Variants in SNX29 observed in about 807,000 individuals in gnomAD.
SNX29 encodes sorting nexin 29, also known as sorting nexin-29.
Under a neutral mutation model 102.1 loss-of-function variants are expected in SNX29, and 78 were observed. The ratio of observed to expected loss-of-function variants is 0.76; its 90% CI spans 0.64 to 0.92. The LOEUF is 0.92. Among genes scored for constraint, SNX29 ranks in the 40% least tolerant of loss-of-function variants. The pLI is 0.00. For synonymous variants in SNX29, 580 were observed against 414.5 expected (o/e 1.40, Z -4.85); for missense variants, 1,280 against 1,061.7 (o/e 1.21, Z -2.86).
chr16:12,404,164 G>C (rs916740008), intron 18 of SNX29, among the ~76,000 whole-genome samples: 3 of 152,204 alleles, frequency 2.0e-5, no homozygotes, highest in African/African-American at 4.8e-5. Context: ...GAGAGCCAGA[G>C]AATTCTTTCC....
At chr16:12,170,069 T>A (rs2076109910) in intron 13 of SNX29, among the ~76,000 whole-genome samples, 1 of 152,134 alleles carries the variant, frequency 6.6e-6, no homozygotes, top group African/African-American at 2.4e-5. Flanking sequence ...TAGTGGGGGC[T>A]GTCCTGTGCA....
chr16:12,526,509 A>G (rs2076787152), intron 20 of SNX29: 1 of 505,814 alleles, frequency 2.0e-6, no homozygotes, highest in African/African-American at 1.9e-5. Context: ...CAGTTTCTAG[A>G]ACGCTTTATT....
intron 18 of SNX29, chr16:12,442,849 C>T (rs568960995): frequency 8.2e-6 from 3 of 367,930 alleles, no homozygotes; most frequent in Non-Finnish European, 1.1e-5. Context: ...CCATCTCAGC[C>T]TCACAAGTCC....
intron 14 of SNX29, among the ~76,000 whole-genome samples, chr16:12,256,527 C>G (rs2078577967): frequency 6.6e-6 from 1 of 152,122 alleles, no homozygotes; most frequent in African/African-American, 2.4e-5. Flanking sequence ...GAGGTTTCAC[C>G]ATGTAGGCCA....
chr16:12,546,656 G>A (rs1222773548), intron 20 of SNX29: 1 of 152,218 alleles, frequency 6.6e-6, no homozygotes, highest in Non-Finnish European at 1.5e-5. Flanking sequence ...TTACCAAGAA[G>A]AGTGGATAAA....
chr16:12,451,192 A>G (rs1220770602), intron 18 of SNX29, among the ~76,000 whole-genome samples: 1 of 152,238 alleles, frequency 6.6e-6, no homozygotes, highest in East Asian at 1.9e-4. Flanking sequence ...TTATGAGCTC[A>G]TTACTGCCAA....
rs185772410 is a variant in SNX29 at position 12,285,413 on chromosome 16, G to A, written c.1782+7377G>A. On this transcript the variant is annotated intron_variant, in intron 15 of 20. Coordinates refer to ENST00000566228, the MANE Select transcript of SNX29 (RefSeq NM_032167.5). ...TTTTTAAAATTATAAGACACTTATC[G>A]TTTACTGTCTGAGTGTGGTTAGTCC... Among the ~76,000 whole-genome samples the A allele has an allele frequency of 1.1e-3, 160 of 152,256 alleles. 1 individual carries two copies. Among genetic ancestry groups the A allele is most frequent in the African/African-American group, 3.8e-3 (158 of 41,548 alleles).
chr16:12,328,102 G>A (rs909274463), intron 15 of SNX29, among the ~76,000 whole-genome samples: 2 of 152,180 alleles, frequency 1.3e-5, no homozygotes, highest in Non-Finnish European at 2.9e-5. Context: ...AAATGGAGCT[G>A]CACATACCTC....
intron 13 of SNX29, among the ~76,000 whole-genome samples, chr16:12,144,165 CA>C (rs2054967096): frequency 6.6e-6 from 1 of 152,158 alleles, no homozygotes; most frequent in Non-Finnish European, 1.5e-5. Context: ...AGGATGCCAG[CA>C]ATGATCTGAA....
chr16:12,508,356 CAGT>C (rs1189324313), intron 19 of SNX29, among the ~76,000 whole-genome samples: 1 of 152,236 alleles, frequency 6.6e-6, no homozygotes, highest in Non-Finnish European at 1.5e-5. Context: ...TGTCACCTCT[CAGT>C]AGCACAGCTC....
chr16:12,460,471 T>TA (rs1311550626), intron 18 of SNX29, among the ~76,000 whole-genome samples: 1 of 152,134 alleles, frequency 6.6e-6, no homozygotes, highest in Admixed American at 6.6e-5. Context: ...TCCCTCTTGT[T>TA]ACCTCCTCCT....
intron 14 of SNX29, among the ~76,000 whole-genome samples, chr16:12,264,199 T>C (rs2078859402): frequency 6.6e-6 from 1 of 152,258 alleles, no homozygotes; most frequent in African/African-American, 2.4e-5. Flanking sequence ...TTTTGCAGTG[T>C]TGTGTCCTCA....
At chr16:12,252,231 T>G (rs2078442282) in intron 14 of SNX29, among the ~76,000 whole-genome samples, 1 of 151,778 alleles carries the variant, frequency 6.6e-6, no homozygotes, top group African/African-American at 2.4e-5. Flanking sequence ...AACTTCAAAG[T>G]GACAGATTTA....
chr16:12,212,443 G>A (rs910275239), intron 14 of SNX29, among the ~76,000 whole-genome samples: 7 of 152,172 alleles, frequency 4.6e-5, no homozygotes, highest in Non-Finnish European at 1.5e-5. Flanking sequence ...AGGAGCCTGG[G>A]GAAGTGTTAA....
intron 20 of SNX29, among the ~76,000 whole-genome samples, chr16:12,566,627 A>C (rs2079022390): frequency 6.6e-6 from 1 of 152,216 alleles, no homozygotes; most frequent in African/African-American, 2.4e-5. Context: ...ACTGCAAGCA[A>C]AGACCTCCTT....
In SNX29 at chr16:12,200,848, C is replaced by T. The variant is rs745613917; in HGVS notation, c.1678+1165C>T. ...ATGCTCACCCACGACCACCTGACCC[C>T]TTTGAATTATTTTACTATACGTACC... On this transcript the variant is annotated intron_variant, in intron 14 of 20. Transcript: ENST00000566228. 1.6e-4 allele frequency among the ~76,000 whole-genome samples: 24 copies of T among 152,308 alleles called. No homozygotes were observed. In the South Asian group the frequency reaches 1.9e-3, roughly 12 times the overall value.
chr16:12,390,350 C>G (rs541765657), intron 16 of SNX29, among the ~76,000 whole-genome samples: 11 of 152,260 alleles, frequency 7.2e-5, no homozygotes, highest in African/African-American at 2.6e-4. Context: ...GTGCTCATCT[C>G]CCTTATGCTT....
At chr16:12,019,750 G>A (rs922871306) in intron 3 of SNX29, among the ~76,000 whole-genome samples, 1 of 150,034 alleles carries the variant, frequency 6.7e-6, no homozygotes, top group Non-Finnish European at 1.5e-5. Flanking sequence ...GATTCTCTTG[G>A]CTCAGCCTCC....
chr16:12,292,859 A>G (rs1355739221), intron 15 of SNX29, among the ~76,000 whole-genome samples: 1 of 152,212 alleles, frequency 6.6e-6, no homozygotes, highest in East Asian at 1.9e-4. Flanking sequence ...GTGTTAGTTA[A>G]GCTTGTAAGG....
Sources: gnomAD v4.1 joint callset for allele counts (sites outside exome capture counted in the v4.1 genomes callset) on GRCh38, gnomAD v4.1.1 for gene constraint, MANE v1.5 for transcripts, NCBI Gene and HGNC (gene_info 2026-07-23, HGNC 2026-07-21) for gene names.